The following NSMCE1 variants were observed in gnomAD, a reference collection of about 807,000 sequenced individuals.
NSMCE1 encodes the protein non-structural maintenance of chromosomes element 1 homolog.
A neutral mutation model predicts 29.6 loss-of-function variants in NSMCE1; 18 were observed. That is an observed-to-expected ratio of 0.61 (90% CI 0.42 to 0.90). The LOEUF (loss-of-function observed/expected upper bound fraction) is 0.90, where lower values mean the gene tolerates loss of function less well. Ranked by LOEUF, NSMCE1 falls within the 40% of genes least tolerant of loss-of-function variation. The probability of loss-of-function intolerance (pLI) is 0.00; values close to 1 mark genes in which losing one functional copy is unlikely to be tolerated. For synonymous variants in NSMCE1, 124 were observed against 133.4 expected, an observed-to-expected ratio of 0.93 and a Z score of 0.49; for missense variants, 314 against 343.6, an observed-to-expected ratio of 0.91 and a Z score of 0.68.
rs1477789833 is a variant in NSMCE1, at chr16:27,234,002, C to T, written c.336+186G>A. On this transcript the variant is annotated intron_variant, in intron 4 of 7. Coordinates refer to ENST00000361439, the MANE Select transcript of NSMCE1 (RefSeq NM_145080.4). ...CCTTCTCAGGCAGCCATGGGGACCC[C>T]CTGGCAGCTGTGAGTTCCAGATGGG... 4 of 567,126 alleles carry T rather than the reference C, an allele frequency of 7.1e-6. No individual in the cohort carries two copies. The African/African-American group carries it at 7.6e-5, about 11-fold the overall frequency. 35.1% of individuals were successfully genotyped at this position (567,126 alleles called of 1,614,324 possible).
At chr16:27,256,867 T>C (rs2084093076) in intron 2 of NSMCE1, among the ~76,000 whole-genome samples, 1 of 152,198 alleles carries the variant, frequency 6.6e-6, no homozygotes, top group African/African-American at 2.4e-5. Context: ...TTTTTTTGTT[T>C]TATAATTTAT....
rs577098462 is a variant in NSMCE1, at chr16:27,232,541, C to T, written c.483+460G>A. ...CCCCGCGAGCCAGCCAGCCTAGCAC[C>T]GAGCACATTACTGTGAGGTCCCATT... On this transcript the variant is annotated intron_variant, in intron 5 of 7. Transcript: ENST00000361439. This position sits in a 1 kb window ranked among gnomAD's most constrained non-coding sequence, Gnocchi z 4.5. 2.6e-5 allele frequency among the ~76,000 whole-genome samples: 4 copies of T among 152,358 alleles called. No individual in the cohort carries two copies. The highest frequency in any genetic ancestry group is 9.6e-5 in the African/African-American group (4 of 41,586).
intron 2 of NSMCE1, among the ~76,000 whole-genome samples, chr16:27,244,704 G>A (rs554944871): frequency 1.8e-4 from 28 of 152,332 alleles, no homozygotes; most frequent in Middle Eastern, 3.4e-3. Context: ...CCCCAGGCCC[G>A]CTCTACCGAG....
At chr16:27,251,184 ATATAT>A (rs1224172771) in intron 2 of NSMCE1, among the ~76,000 whole-genome samples, 16 of 103,450 alleles carry the variant, frequency 1.5e-4, no homozygotes, top group South Asian at 1.3e-3. Context: ...ATATATATAT[ATATAT>A]AAATATATAT....
intron 1 of NSMCE1, among the ~76,000 whole-genome samples, chr16:27,259,521 T>C (rs769531527): frequency 1.2e-4 from 18 of 152,136 alleles, no homozygotes; most frequent in Non-Finnish European, 2.6e-4. Context: ...GAACATGGTG[T>C]TGCCTAGCTG....
intron 2 of NSMCE1, among the ~76,000 whole-genome samples, chr16:27,249,296 T>C (rs2083995825): frequency 6.6e-6 from 1 of 152,232 alleles, no homozygotes; most frequent in African/African-American, 2.4e-5. Flanking sequence ...TGAAGTTCAA[T>C]TTATCGATTC....
At chr16:27,226,525 C>T in intron 6 of NSMCE1, 195 bp downstream of exon 6, 1 of 538,618 alleles carries the variant, frequency 1.9e-6, no homozygotes, top group South Asian at 2.5e-5. Flanking sequence ...AGGAGGGCGG[C>T]AGTGCGTCCC....
chr16:27,252,552 G>A (rs117192464), intron 2 of NSMCE1, among the ~76,000 whole-genome samples: 12 of 152,294 alleles, frequency 7.9e-5, no homozygotes, highest in East Asian at 3.9e-4. Flanking sequence ...GAAGGCTGAC[G>A]CAGGATGATC....
Position 27,225,706 on chromosome 16 carries a change from GCT to G in NSMCE1, c.721+18_721+19del, listed in dbSNP as rs758761429. The G allele has an allele frequency of 6.2e-6, 10 of 1,613,708 alleles. No individual in the cohort carries two copies. Among genetic ancestry groups the G allele is most frequent in the Non-Finnish European group, 8.5e-6 (10 of 1,179,896 alleles). On this transcript the variant is annotated intron_variant, in intron 7 of 7. Transcript: ENST00000361439. ...CCTGCTGGCCCAGCCCCTCCCATGA[GCT>G]CCTCAGGGCCCACGCACTTGGGATC...
At chr16:27,257,688 A>G (rs1596695971) in intron 1 of NSMCE1, 107 bp from the exon 2 acceptor site, 1 of 1,006,206 alleles carries the variant, frequency 9.9e-7, no homozygotes, top group East Asian at 2.6e-5. Context: ...ATCATTTTTA[A>G]AAGTCATTCT....
At chr16:27,235,330 T>C (rs771435001) in intron 2 of NSMCE1, 31 bp from the exon 3 acceptor site, 3 of 1,607,720 alleles carry the variant, frequency 1.9e-6, no homozygotes, top group Non-Finnish European at 2.5e-6. Context: ...AAAAGGGGGG[T>C]GACCAGGGGG....
At chr16:27,262,187 T>A (rs1202545180) in intron 1 of NSMCE1, among the ~76,000 whole-genome samples, 1 of 146,692 alleles carries the variant, frequency 6.8e-6, no homozygotes, top group Non-Finnish European at 1.5e-5. Context: ...GGGGTTGCAG[T>A]GAGCCAAGAT....
intron 2 of NSMCE1, among the ~76,000 whole-genome samples, chr16:27,254,886 T>C (rs1400472070): frequency 7.1e-6 from 1 of 141,250 alleles, no homozygotes; most frequent in African/African-American, 2.7e-5. Flanking sequence ...TTTTTTTTTT[T>C]TTTTTTTTTT....
chr16:27,262,354 C>T (rs2084168438), intron 1 of NSMCE1, among the ~76,000 whole-genome samples: 1 of 151,938 alleles, frequency 6.6e-6, no homozygotes, highest in Non-Finnish European at 1.5e-5. Context: ...CTTCAAACTA[C>T]ACTACAGGGC....
At chr16:27,249,310 C>T (rs904716403) in intron 2 of NSMCE1, among the ~76,000 whole-genome samples, 3 of 152,006 alleles carry the variant, frequency 2.0e-5, no homozygotes, top group African/African-American at 7.3e-5. Context: ...TCGATTCATT[C>T]TCTTATGGAG....
At chr16:27,228,489 C>A (rs2140985742) in intron 5 of NSMCE1, among the ~76,000 whole-genome samples, 1 of 152,038 alleles carries the variant, frequency 6.6e-6, no homozygotes, top group African/African-American at 2.4e-5. Context: ...CCACCGCCCT[C>A]TTCCAGCCTC....
chr16:27,230,184 C>A (rs1027065144), intron 5 of NSMCE1, among the ~76,000 whole-genome samples: 5 of 152,240 alleles, frequency 3.3e-5, no homozygotes, highest in Non-Finnish European at 5.9e-5. Flanking sequence ...CACCCCTGGG[C>A]CTTCTCCTGG....
At chr16:27,258,394 G>A (rs1465094533) in intron 1 of NSMCE1, among the ~76,000 whole-genome samples, 1 of 152,366 alleles carries the variant, frequency 6.6e-6, no homozygotes, top group East Asian at 1.9e-4. Flanking sequence ...AGATCTGCCT[G>A]ATCCTAAGGA....
At chr16:27,244,348 A>G (rs1365132320) in intron 2 of NSMCE1, among the ~76,000 whole-genome samples, 1 of 152,046 alleles carries the variant, frequency 6.6e-6, no homozygotes, top group Non-Finnish European at 1.5e-5. Flanking sequence ...CCCTTTCCCC[A>G]CTCACTACAG....
Sources: gnomAD v4.1 joint callset for allele counts (sites outside exome capture counted in the v4.1 genomes callset) on GRCh38, gnomAD v4.1.1 for gene constraint, Gnocchi (gnomAD v3.1) non-coding constraint, MANE v1.5 for transcripts, NCBI Gene and HGNC (gene_info 2026-07-23, HGNC 2026-07-21) for gene names.